CFAP221: variants seen among roughly 807,000 people sequenced by gnomAD.
The protein encoded by CFAP221 is cilia and flagella associated protein 221.
A neutral mutation model predicts 113.1 loss-of-function variants in CFAP221; 97 were observed. The ratio of observed to expected loss-of-function variants is 0.86; its 90% confidence interval spans 0.73 to 1.02. The LOEUF (loss-of-function observed/expected upper bound fraction) is 1.02. Among genes scored for constraint, CFAP221 ranks in the 50% least tolerant of loss-of-function variants. The pLI is 0.00. For synonymous variants in CFAP221, 331 were observed against 354.4 expected (o/e 0.93, Z 0.74); for missense variants, 1,025 against 1,013.4 (o/e 1.01, Z -0.16).
At chr2:119,583,159 T>TG (rs1223190172) in intron 6 of CFAP221, among the ~76,000 whole-genome samples, 1 of 152,030 alleles carries the variant, frequency 6.6e-6, no homozygotes, top group Non-Finnish European at 1.5e-5. Flanking sequence ...ACTCATTAAT[T>TG]GGGAAAAAAA....
intron 2 of CFAP221, among the ~76,000 whole-genome samples, chr2:119,548,828 A>G (rs1680223026): frequency 6.6e-6 from 1 of 152,196 alleles, no homozygotes; most frequent in Admixed American, 6.5e-5. Context: ...AAATTCTTTT[A>G]CTAGGTAACA....
intron 6 of CFAP221, chr2:119,573,458 C>T (rs925101463): frequency 5.3e-5 from 8 of 152,200 alleles, no homozygotes; most frequent in East Asian, 1.9e-4. Flanking sequence ...ACGACATAGT[C>T]GTTCTTTACT....
At chr2:119,626,028 G>A (rs763714428) in intron 15 of CFAP221, among the ~76,000 whole-genome samples, 5 of 152,100 alleles carry the variant, frequency 3.3e-5, no homozygotes, top group South Asian at 4.1e-4. Flanking sequence ...CAAGGTGCTG[G>A]TAGGGCTGCG....
intron 12 of CFAP221, among the ~76,000 whole-genome samples, chr2:119,609,961 T>C (rs915961374): frequency 3.3e-5 from 5 of 152,262 alleles, no homozygotes; most frequent in Non-Finnish European, 7.3e-5. Context: ...GGTAAATCTT[T>C]GCATTTAGGA....
chr2:119,559,418 A>G (rs1681057596), intron 3 of CFAP221, among the ~76,000 whole-genome samples: 1 of 142,080 alleles, frequency 7.0e-6, no homozygotes, highest in African/African-American at 2.5e-5. Context: ...GCCCTAAAGG[A>G]TGCTAAGTCT....
intron 21 of CFAP221, among the ~76,000 whole-genome samples, chr2:119,643,220 C>T (rs566111121): frequency 2.8e-4 from 43 of 152,332 alleles, no homozygotes; most frequent in African/African-American, 9.4e-4. Context: ...CTATTACTTA[C>T]GAGGTTTGCC....
At chr2:119,587,802 T>C (rs1017357583) in intron 7 of CFAP221, among the ~76,000 whole-genome samples, 2 of 152,212 alleles carry the variant, frequency 1.3e-5, no homozygotes, top group African/African-American at 4.8e-5. Flanking sequence ...ATTTAAACAA[T>C]TTAACAATTG....
chr2:119,575,638 C>T (rs1182817279), intron 6 of CFAP221, among the ~76,000 whole-genome samples: 1 of 151,912 alleles, frequency 6.6e-6, no homozygotes, highest in Non-Finnish European at 1.5e-5. Context: ...TTCAGTTTTG[C>T]AAGATGAAAA....
intron 12 of CFAP221, 63 bp downstream of exon 12, chr2:119,608,652 T>C (rs1014919009): frequency 1.4e-6 from 2 of 1,381,830 alleles, no homozygotes; most frequent in Non-Finnish European, 2.0e-6. Context: ...TCCTACTATA[T>C]GCAAGATGCC....
At chr2:119,635,827 A>G (rs973020738) in intron 19 of CFAP221, among the ~76,000 whole-genome samples, 1 of 152,146 alleles carries the variant, frequency 6.6e-6, no homozygotes, top group Non-Finnish European at 1.5e-5. Context: ...AGGGAGGGTA[A>G]AGGGCTCTGA....
intron 7 of CFAP221, among the ~76,000 whole-genome samples, chr2:119,599,170 A>G (rs1268800079): frequency 2.0e-5 from 3 of 152,170 alleles, no homozygotes; most frequent in Non-Finnish European, 4.4e-5. Context: ...GCTCTCAGGA[A>G]ATTGACGAAG....
At chr2:119,651,775 C>T (rs1521911) in intron 22 of CFAP221, among the ~76,000 whole-genome samples, 199 bp from the exon 23 acceptor site, 120,293 of 152,224 alleles carry the variant, frequency 0.79, 47,868 homozygotes, top group East Asian at 0.87. Flanking sequence ...TAAATAACTA[C>T]CATTATGCCT....
chr2:119,563,567 C>T (rs1442681868), intron 6 of CFAP221, among the ~76,000 whole-genome samples: 1 of 152,172 alleles, frequency 6.6e-6, no homozygotes, highest in African/African-American at 2.4e-5. Context: ...CCCATTGATG[C>T]AGCAACTAAG....
chr2:119,585,106 A>G (rs1203774954), intron 6 of CFAP221, among the ~76,000 whole-genome samples: 1 of 152,250 alleles, frequency 6.6e-6, no homozygotes, highest in African/African-American at 2.4e-5. Flanking sequence ...TCACTCGTTA[A>G]AATGAATGCA....
intron 21 of CFAP221, among the ~76,000 whole-genome samples, chr2:119,646,055 C>T (rs1687782658): frequency 6.6e-6 from 1 of 152,122 alleles, no homozygotes; most frequent in Non-Finnish European, 1.5e-5. Context: ...ATGTATTTTC[C>T]ACCCTATCTC....
At chr2:119,647,134 A>G (rs1309243026) in intron 22 of CFAP221, 84 bp downstream of exon 22, 2 of 1,039,058 alleles carry the variant, frequency 1.9e-6, no homozygotes, top group South Asian at 1.4e-5. Flanking sequence ...ACTTCAGAAT[A>G]GCACACAGTT....
intron 15 of CFAP221, among the ~76,000 whole-genome samples, chr2:119,625,975 C>T (rs1235485423): frequency 1.3e-5 from 2 of 152,086 alleles, no homozygotes; most frequent in Non-Finnish European, 2.9e-5. Flanking sequence ...TAAAAGAATG[C>T]AAATTTATCA....
intron 14 of CFAP221, among the ~76,000 whole-genome samples, chr2:119,619,593 A>T (rs949492104): frequency 6.6e-6 from 1 of 152,206 alleles, no homozygotes; most frequent in Non-Finnish European, 1.5e-5. Flanking sequence ...GGTCACCAAC[A>T]TCCAAGACCA....
At chr2:119,644,254 ATATATT>A (rs1687666969) in intron 21 of CFAP221, among the ~76,000 whole-genome samples, 1 of 152,250 alleles carries the variant, frequency 6.6e-6, no homozygotes, top group South Asian at 2.1e-4. Context: ...TTTTAAATGA[ATATATT>A]TAACACACAC....
Sources: allele counts gnomAD v4.1 joint callset (sites outside exome capture counted in the v4.1 genomes callset), GRCh38; gene constraint gnomAD v4.1.1; transcripts MANE v1.5; gene names NCBI Gene and HGNC (gene_info 2026-07-23, HGNC 2026-07-21).